Variants in BRSK2 observed in about 807,000 individuals in gnomAD.
BRSK2 encodes the protein BR serine/threonine kinase 2.
BRSK2 carries 19 observed loss-of-function variants against 83.3 expected under a neutral mutation model. That is an observed-to-expected ratio of 0.23 (90% CI 0.16 to 0.33). BRSK2 has a LOEUF of 0.33. Among genes scored for constraint, BRSK2 ranks in the 10% least tolerant of loss-of-function variants. The probability of loss-of-function intolerance (pLI) is 1.00; values close to 1 mark genes in which losing one functional copy is unlikely to be tolerated. For missense variants in BRSK2, 798 were observed against 1,042.3 expected (o/e 0.77, Z 3.23); for synonymous variants, 519 against 435.4 (o/e 1.19, Z -2.39).
chr11:1,445,911 T>A lies in BRSK2; in HGVS notation c.1226+4T>A. ...AGATGGCCCAGCACGGCCAGAGGTG[T>A]GTGTGCCCCGAGGCTGCTGGGCCTC... On this transcript the variant is annotated splice_donor_region_variant and intron_variant, in intron 12 of 19. Transcript: ENST00000528841. The A allele has an allele frequency of 6.2e-7, 1 of 1,602,678 alleles. No individual in the cohort carries two copies. The highest frequency in any genetic ancestry group is 8.5e-7 in the Non-Finnish European group (1 of 1,173,782).
Position 1,450,782 on chromosome 11 carries a change from C to G in BRSK2, c.1483C>G (p.Arg495Gly). Residue 495 changes from arginine (R) to glycine (G), a missense_variant, in exon 14 of 20, where the codon CGG becomes GGG. By Grantham distance (125) the Arg-to-Gly change is moderately radical. Coordinates refer to ENST00000528841, the MANE Select transcript of BRSK2 (RefSeq NM_001256627.2). ...TCTGGGCTCACCCCGCTTCCACCGC[C>G]GGAAACTGCAAGGTGAGTGTCTGCC... ...SFLGSPRFHR[R>G]KLQVPTPEEM... 1 of 1,594,546 alleles carries G rather than the reference C, an allele frequency of 6.3e-7. No individual in the cohort carries two copies. Among genetic ancestry groups the G allele is most frequent in the Non-Finnish European group, 8.5e-7 (1 of 1,173,136 alleles).
At chr11:1,421,326 G>A (rs1031641579) in intron 1 of BRSK2, among the ~76,000 whole-genome samples, 3 of 152,142 alleles carry the variant, frequency 2.0e-5, no homozygotes, top group African/African-American at 2.4e-5. Context: ...GCCCATCTCT[G>A]GCTGCAGAGA....
intron 2 of BRSK2, 50 bp downstream of exon 2, chr11:1,436,184 GAATAGCAC>G: frequency 5.0e-6 from 1 of 201,444 alleles, no homozygotes; most frequent in Non-Finnish European, 1.0e-5. Context: ...GTGGGGCGGG[GAATAGCAC>G]AGGGGTGGGA....
At chr11:1,394,695 GT>G (rs1845950837) in intron 1 of BRSK2, among the ~76,000 whole-genome samples, 7 of 136,756 alleles carry the variant, frequency 5.1e-5, no homozygotes, top group African/African-American at 1.7e-4. Flanking sequence ...CTGGAGATGG[GT>G]CCTGGAGATG....
chr11:1,419,853 C>T (rs958634948), intron 1 of BRSK2, among the ~76,000 whole-genome samples: 2 of 152,242 alleles, frequency 1.3e-5, no homozygotes, highest in African/African-American at 4.8e-5. Flanking sequence ...GCAGAGATTG[C>T]AGTAAGCCGA....
rs529769102 is a variant in BRSK2 at position 1,434,081 on chromosome 11, T to A, written c.92-1959T>A. Among the ~76,000 whole-genome samples the A allele has an allele frequency of 2.0e-5, 3 of 152,334 alleles. No individual in the cohort carries two copies. The South Asian group carries it at 6.2e-4, about 32-fold the overall frequency. Reference sequence around the variant, plus strand: ...TAATTTCCCAAAAAAATCAAAGGGCTCTTGCAAATTGGTAAGAAAATGCAC... The same window carrying A: ...TAATTTCCCAAAAAAATCAAAGGGCACTTGCAAATTGGTAAGAAAATGCAC... On this transcript the variant is annotated intron_variant, in intron 1 of 19. Transcript: ENST00000528841.
chr11:1,418,355 G>A (rs1486884553), intron 1 of BRSK2, among the ~76,000 whole-genome samples: 2 of 149,380 alleles, frequency 1.3e-5, no homozygotes, highest in African/African-American at 2.5e-5. Context: ...TGCTTCTGTT[G>A]TCTGTTTCTT....
chr11:1,443,268 G>T, intron 6 of BRSK2, 67 bp from the exon 7 acceptor site: 1 of 1,539,584 alleles, frequency 6.5e-7, no homozygotes. Context: ...CTCCCTCTGA[G>T]CCCAGGCCCT....
intron 1 of BRSK2, among the ~76,000 whole-genome samples, chr11:1,406,528 G>C (rs1396929232): frequency 6.6e-6 from 1 of 152,202 alleles, no homozygotes; most frequent in African/African-American, 2.4e-5. Context: ...GGACCCCAGA[G>C]AGCTCAGCAA....
At chr11:1,459,402 A>AGC in intron 19 of BRSK2, 163 bp downstream of exon 19, 1 of 760,062 alleles carries the variant, frequency 1.3e-6, no homozygotes, top group Non-Finnish European at 2.2e-6. Flanking sequence ...TACCAGGAGC[A>AGC]GCCCAGGTCG....
Position 1,438,490 on chromosome 11 carries a change from C to A in BRSK2, c.272+99C>A. On this transcript the variant is annotated intron_variant, in intron 3 of 19. Transcript: ENST00000528841. The surrounding 1 kb of genome is among the most constrained non-coding windows in gnomAD (Gnocchi z 6.4). ...CTTGGGGAGCACAGGGGCTGGAGGC[C>A]AGGGGCGCCTGCTGCATCCCAGCAG... 1 of 1,104,312 alleles carries A rather than the reference C, an allele frequency of 9.1e-7. No individual in the cohort carries two copies. 68.4% of individuals were successfully genotyped at this position (1,104,312 alleles called of 1,614,324 possible).
Position 1,445,817 on chromosome 11 carries a change from A to G in BRSK2, c.1136A>G (p.Glu379Gly). Residue 379 changes from glutamate (E) to glycine (G), a missense_variant, in exon 12 of 20, where the codon GAA becomes GGA. By Grantham distance (98) the Glu-to-Gly change is moderately conservative. Around this residue, in one of 6 missense-constraint regions of BRSK2, gnomAD observed 51 missense variants for 52.6 expected, o/e 0.97. Coordinates refer to ENST00000528841, the MANE Select transcript of BRSK2 (RefSeq NM_001256627.2). ...MLNRHGKRRPERKSMEVLSVT... is the reference protein window; with the variant it reads ...MLNRHGKRRPGRKSMEVLSVT... ...AACCGGCACGGCAAGCGGCGGCCAG[A>G]ACGCAAATCCATGGAGGTGCTCAGC... The G allele has an allele frequency of 6.2e-7, 1 of 1,612,496 alleles. No individual in the cohort carries two copies. Among genetic ancestry groups the G allele is most frequent in the Non-Finnish European group, 8.5e-7 (1 of 1,179,734 alleles).
chr11:1,394,749 TCCTGGAGATGGGCC>T (rs1845956782), intron 1 of BRSK2, among the ~76,000 whole-genome samples: 3 of 57,618 alleles, frequency 5.2e-5, no homozygotes, highest in South Asian at 1.0e-3. Context: ...TGGAGATGGG[TCCTGGAGATGGGCC>T]CCTGGAGATG....
intron 1 of BRSK2, among the ~76,000 whole-genome samples, chr11:1,413,212 G>A (rs548725784): frequency 6.6e-6 from 1 of 152,134 alleles, no homozygotes; most frequent in Non-Finnish European, 1.5e-5. Flanking sequence ...CTGCCTCCCA[G>A]ACGGCCCCTG....
intron 1 of BRSK2, chr11:1,410,981 G>T (rs1028701692): frequency 2.0e-6 from 2 of 982,520 alleles, no homozygotes; most frequent in African/African-American, 1.7e-5. Flanking sequence ...GCCCCGCTGA[G>T]GGGGGCAGGA....
At chr11:1,457,044 TG>T (rs1390859013) in intron 18 of BRSK2, 3 of 1,586,846 alleles carry the variant, frequency 1.9e-6, no homozygotes, top group Non-Finnish European at 2.6e-6. Flanking sequence ...CCTCTGACGC[TG>T]GCAGGTAAGG....
In BRSK2 at chr11:1,445,911, T is replaced by G. The variant is rs1434542522; in HGVS notation, c.1226+4T>G. 2.5e-6 allele frequency: 4 copies of G among 1,602,560 alleles called. No individual in the cohort carries two copies. ...AGATGGCCCAGCACGGCCAGAGGTG[T>G]GTGTGCCCCGAGGCTGCTGGGCCTC... On this transcript the variant is annotated splice_donor_region_variant and intron_variant, in intron 12 of 19. Coordinates refer to ENST00000528841, the MANE Select transcript of BRSK2 (RefSeq NM_001256627.2).
intron 9 of BRSK2, 79 bp downstream of exon 9, chr11:1,445,081 GA>G: frequency 1.3e-6 from 2 of 1,563,414 alleles, no homozygotes; most frequent in African/African-American, 2.7e-5. Flanking sequence ...AAGGCGGGGG[GA>G]GGGCGCCGGC....
In BRSK2 at chr11:1,460,729, C is replaced by T. The variant is rs1355100095; in HGVS notation, c.*6C>T. On this transcript the variant is annotated 3_prime_UTR_variant, in exon 20 of 20. Coordinates refer to ENST00000528841, the MANE Select transcript of BRSK2 (RefSeq NM_001256627.2). The stretch of plus-strand genomic sequence containing the variant: ...CCCGCCGCGAGCAGCCTTAGACACA[C>T]TAGCCCCCCCCCCCAGCACAGCACT... 2 of 1,386,814 alleles carry T rather than the reference C, an allele frequency of 1.4e-6. No individual in the cohort carries two copies. Among genetic ancestry groups the T allele is most frequent in the Non-Finnish European group, 1.9e-6 (2 of 1,069,866 alleles). The allele number at this position is 1,386,814 out of a possible 1,614,324, so 85.9% of individuals were successfully genotyped here. A position where few individuals can be genotyped will look rare whatever the true frequency, so the allele number is the denominator to read the frequency against.
Sources: allele counts gnomAD v4.1 joint callset (sites outside exome capture counted in the v4.1 genomes callset), GRCh38; gene constraint gnomAD v4.1.1; regional missense constraint gnomAD v4.1.1; non-coding constraint Gnocchi (gnomAD v3.1); transcripts MANE v1.5; gene names NCBI Gene and HGNC (gene_info 2026-07-23, HGNC 2026-07-21).